The following FNIP2 variants were observed in gnomAD, a reference collection of about 807,000 sequenced individuals.
FNIP2 encodes folliculin interacting protein 2.
A neutral mutation model predicts 108.7 loss-of-function variants in FNIP2; 32 were observed. The observed-to-expected ratio is 0.29, with a 90% CI of 0.22 to 0.40. The LOEUF (loss-of-function observed/expected upper bound fraction) is 0.40, where lower values mean the gene tolerates loss of function less well. Ranked by LOEUF, FNIP2 falls within the 10% of genes least tolerant of loss-of-function variation. FNIP2 has a pLI of 1.00. For missense variants in FNIP2, 1,202 were observed against 1,381.6 expected (o/e 0.87, Z 2.06); for synonymous variants, 480 against 496.7 (o/e 0.97, Z 0.45).
At chr4:158,871,820 T>C in intron 14 of FNIP2, 1 of 985,350 alleles carries the variant, frequency 1.0e-6, no homozygotes, top group Non-Finnish European at 1.2e-6. Flanking sequence ...CATGAGTCCA[T>C]GCATCAATGA....
At chr4:158,769,531 C>G (rs565619615) in intron 1 of FNIP2, among the ~76,000 whole-genome samples, 1 of 152,330 alleles carries the variant, frequency 6.6e-6, no homozygotes, top group East Asian at 1.9e-4. Flanking sequence ...TTCTCCACAA[C>G]TCAGGGTCCT....
intron 1 of FNIP2, among the ~76,000 whole-genome samples, chr4:158,797,276 T>G (rs1457644013): frequency 6.6e-6 from 1 of 152,214 alleles, no homozygotes; most frequent in African/African-American, 2.4e-5. Flanking sequence ...AACCTCTACA[T>G]AGATTTCCTT....
At chr4:158,882,514 G>A (rs1781733138) in intron 14 of FNIP2, among the ~76,000 whole-genome samples, 1 of 152,280 alleles carries the variant, frequency 6.6e-6, no homozygotes, top group South Asian at 2.1e-4. Context: ...ACAGCTCATT[G>A]AGAACGGGCC....
In FNIP2 at chr4:158,826,050, A is replaced by G; in HGVS notation, c.234+8A>G. On this transcript the variant is annotated splice_region_variant and intron_variant, in intron 2 of 16. Coordinates refer to ENST00000264433, the MANE Select transcript of FNIP2 (RefSeq NM_020840.3). ...GAGGAGGTGACAGCTCAGGTATGAAATGCTGATTTGCTTTCTCCTTTTCTT... is the reference window on the plus strand; with the variant it reads ...GAGGAGGTGACAGCTCAGGTATGAAGTGCTGATTTGCTTTCTCCTTTTCTT... 6.2e-7 allele frequency: 1 copy of G among 1,603,412 alleles called. No homozygotes were observed. Among genetic ancestry groups the G allele is most frequent in the Non-Finnish European group, 8.5e-7 (1 of 1,171,948 alleles).
chr4:158,860,751 G>T (rs1429773485), intron 10 of FNIP2, among the ~76,000 whole-genome samples: 1 of 151,466 alleles, frequency 6.6e-6, no homozygotes, highest in Non-Finnish European at 1.5e-5. Context: ...TCACCTCCTG[G>T]GTTCAAGCGA....
At chr4:158,851,118 C>T (rs1443388053) in intron 7 of FNIP2, among the ~76,000 whole-genome samples, 2 of 151,880 alleles carry the variant, frequency 1.3e-5, no homozygotes, top group Admixed American at 6.6e-5. Flanking sequence ...TGAAATTTAC[C>T]ATCTCAACCA....
intron 7 of FNIP2, among the ~76,000 whole-genome samples, chr4:158,848,311 T>C (rs1450724917): frequency 6.6e-6 from 1 of 152,200 alleles, no homozygotes; most frequent in Admixed American, 6.5e-5. Flanking sequence ...CTCCATTTGT[T>C]TGGGACAAAG....
chr4:158,826,968 C>T (rs1449245857), intron 2 of FNIP2, among the ~76,000 whole-genome samples: 1 of 152,228 alleles, frequency 6.6e-6, no homozygotes, highest in Non-Finnish European at 1.5e-5. Flanking sequence ...GTCTTTGTCT[C>T]ATCAGGGCCA....
intron 12 of FNIP2, among the ~76,000 whole-genome samples, chr4:158,867,171 A>G (rs1780631373): frequency 6.6e-6 from 1 of 152,098 alleles, no homozygotes; most frequent in African/African-American, 2.4e-5. Flanking sequence ...CTAATGGGAC[A>G]TACTTTTTTC....
intron 1 of FNIP2, among the ~76,000 whole-genome samples, chr4:158,798,132 A>T (rs894389597): frequency 6.6e-6 from 1 of 152,016 alleles, no homozygotes; most frequent in Non-Finnish European, 1.5e-5. Flanking sequence ...TGGTGTGATT[A>T]TAGCTCACCG....
rs572100490 is a variant in FNIP2, at chr4:158,826,030, G to C, written c.222G>C (p.Glu74Asp). Reference sequence around the variant, plus strand: ...CTAAAGCTGTTCAAAAGATTGAGGAGGTGACAGCTCAGGTATGAAATGCTG... The same window carrying C: ...CTAAAGCTGTTCAAAAGATTGAGGACGTGACAGCTCAGGTATGAAATGCTG... ...FDSKAVQKIE[E>D]VTAQKTEDVP... Residue 74 changes from glutamate (E) to aspartate (D), a missense_variant, in exon 2 of 17, where the codon GAG becomes GAC. Glu to Asp is a conservative substitution (Grantham distance 45). This residue lies in a region of FNIP2 where 173 missense variants were observed against 165.9 expected (regional missense o/e 1.04). Transcript: ENST00000264433. The C allele has an allele frequency of 2.6e-5, 42 of 1,606,812 alleles. 1 individual carries two copies. Among genetic ancestry groups the C allele is most frequent in the South Asian group, 1.9e-4 (17 of 90,886 alleles).
intron 1 of FNIP2, among the ~76,000 whole-genome samples, chr4:158,800,521 TA>T (rs1223051050): frequency 9.2e-5 from 14 of 152,326 alleles, no homozygotes; most frequent in Non-Finnish European, 1.9e-4. Context: ...CTTGCAGAAT[TA>T]TTACAGATTA....
chr4:158,806,828 C>T lies in FNIP2; in HGVS notation c.108-19088C>T, dbSNP rs533156609. ...CTGGGCGTTTTCACTTCATAGTCTGCGTGGCAGCCAGGTGGTTGTGCTTTT... is the reference window on the plus strand; with the variant it reads ...CTGGGCGTTTTCACTTCATAGTCTGTGTGGCAGCCAGGTGGTTGTGCTTTT... On this transcript the variant is annotated intron_variant, in intron 1 of 16. Transcript: ENST00000264433. 8.5e-5 allele frequency among the ~76,000 whole-genome samples: 13 copies of T among 152,270 alleles called. No individual in the cohort carries two copies. The South Asian group carries it at 1.7e-3, about 19-fold the overall frequency.
intron 1 of FNIP2, among the ~76,000 whole-genome samples, chr4:158,807,160 G>A (rs1002766386): frequency 2.0e-5 from 3 of 152,076 alleles, no homozygotes; most frequent in Non-Finnish European, 4.4e-5. Context: ...TAGATAGATA[G>A]TAAGGAGAGC....
At chr4:158,788,523 G>A (rs1776298267) in intron 1 of FNIP2, among the ~76,000 whole-genome samples, 1 of 152,150 alleles carries the variant, frequency 6.6e-6, no homozygotes, top group Non-Finnish European at 1.5e-5. Flanking sequence ...TTTTTGATGG[G>A]TGATTTTAGG....
chr4:158,871,169 A>G lies in FNIP2; in HGVS notation c.2949+700A>G, dbSNP rs896272379. Among the ~76,000 whole-genome samples the G allele has an allele frequency of 8.9e-4, 135 of 152,326 alleles. 1 individual carries two copies. The highest frequency in any genetic ancestry group is 2.9e-3 in the African/African-American group (122 of 41,566). The stretch of plus-strand genomic sequence containing the variant: ...AAAGATTAATAAGTCTCACTGAAAA[A>G]ATTGCCTCGTGGCTGCTATTAAGTG... On this transcript the variant is annotated intron_variant, in intron 14 of 16. Coordinates refer to ENST00000264433, the MANE Select transcript of FNIP2 (RefSeq NM_020840.3).
Position 158,893,689 on chromosome 4 carries a change from T to C in FNIP2, c.3150+2043T>C. ...CTCCTTCTAAAAGCAGGTTGAGTTA[T>C]GCTGATTTAGAGGTTAATGTTTCCT... On this transcript the variant is annotated intron_variant, in intron 15 of 16. Coordinates refer to ENST00000264433, the MANE Select transcript of FNIP2 (RefSeq NM_020840.3). The C allele has an allele frequency of 2.5e-6, 4 of 1,588,218 alleles. No individual in the cohort carries two copies. In the African/African-American group the frequency reaches 5.4e-5, roughly 21 times the overall value.
chr4:158,823,004 T>C (rs1009008463), intron 1 of FNIP2, among the ~76,000 whole-genome samples: 4 of 152,224 alleles, frequency 2.6e-5, no homozygotes, highest in African/African-American at 7.2e-5. Flanking sequence ...TAAGGTGTTA[T>C]GATCATGATT....
intron 16 of FNIP2, among the ~76,000 whole-genome samples, chr4:158,903,333 T>C (rs903705770): frequency 1.3e-5 from 2 of 152,100 alleles, no homozygotes; most frequent in African/African-American, 4.8e-5. Flanking sequence ...CCCAATGAGA[T>C]GAGCCGGGTA....
Sources: gnomAD v4.1 joint callset for allele counts (sites outside exome capture counted in the v4.1 genomes callset) on GRCh38, gnomAD v4.1.1 for gene constraint, gnomAD v4.1.1 regional missense constraint, MANE v1.5 for transcripts, NCBI Gene and HGNC (gene_info 2026-07-23, HGNC 2026-07-21) for gene names.